CTSB: variants seen among roughly 807,000 people sequenced by gnomAD.
The protein encoded by CTSB is cathepsin B.
CTSB carries 57 observed loss-of-function variants against 44.3 expected under a neutral mutation model. The observed-to-expected ratio is 1.29, with a 90% CI of 1.04 to 1.60. The LOEUF is 1.60. Ranked by LOEUF, CTSB falls within the 40% of genes most tolerant of loss-of-function variation. The probability of loss-of-function intolerance (pLI) is 0.00; values close to 1 mark genes in which losing one functional copy is unlikely to be tolerated. For missense variants in CTSB, 768 were observed against 443.0 expected, an observed-to-expected ratio of 1.73 and a Z score of -6.59; for synonymous variants, 320 against 168.0, an observed-to-expected ratio of 1.91 and a Z score of -7.00.
chr8:11,859,095 G>A (rs984931113), intron 1 of CTSB, among the ~76,000 whole-genome samples: 3 of 152,176 alleles, frequency 2.0e-5, no homozygotes, highest in East Asian at 1.9e-4. Context: ...CTGAGTTCCA[G>A]TGCACCCCTC....
At chr8:11,852,758 C>G in intron 2 of CTSB, 63 bp from the exon 3 acceptor site, 2 of 1,483,950 alleles carry the variant, frequency 1.3e-6, no homozygotes, top group African/African-American at 1.4e-5. Flanking sequence ...GGCACGCTGC[C>G]CACACACGAA....
chr8:11,851,728 A>G (rs1470541077), intron 3 of CTSB, among the ~76,000 whole-genome samples: 3 of 151,350 alleles, frequency 2.0e-5, no homozygotes, highest in African/African-American at 4.9e-5. Context: ...GGGAAGTGGC[A>G]TCATCTCAGC....
At position 11,845,088 on chromosome 8, in the gene CTSB, C is replaced by G. The variant is rs1332054114; in HGVS notation, c.*37G>C. 1 of 1,373,564 alleles carries G rather than the reference C, an allele frequency of 7.3e-7. No homozygotes were observed. The allele number at this position is 1,373,564 out of a possible 1,614,324, so 85.1% of individuals were successfully genotyped here. ...GAATAAAATGCATTTCTACCCCGATCTCGCCCCCAGGACTGGCACGACAGG... is the reference window on the plus strand; with the variant it reads ...GAATAAAATGCATTTCTACCCCGATGTCGCCCCCAGGACTGGCACGACAGG... On this transcript the variant is annotated 3_prime_UTR_variant, in exon 10 of 10. Transcript: ENST00000353047.
chr8:11,843,040 C>T lies in CTSB; in HGVS notation c.*2085G>A, dbSNP rs1444474791. On this transcript the variant is annotated 3_prime_UTR_variant, in exon 10 of 10. Coordinates refer to ENST00000353047, the MANE Select transcript of CTSB (RefSeq NM_001908.5). ...CTTGGCTCACTGCAACCTCCGCCTC[C>T]CGGGTTCAAGCGATTCTCCTGCCTC... 3 of 151,060 alleles carry T rather than the reference C, an allele frequency of 2.0e-5. No individual in the cohort carries two copies. Among genetic ancestry groups the T allele is most frequent in the Non-Finnish European group, 2.9e-5 (2 of 68,022 alleles). The allele number at this position is 151,060 out of a possible 1,614,324, so 9.4% of individuals were successfully genotyped here.
rs1353045077 is a variant in CTSB at position 11,844,818 on chromosome 8, T to G, written c.*307A>C. On this transcript the variant is annotated 3_prime_UTR_variant, in exon 10 of 10. Coordinates refer to ENST00000353047, the MANE Select transcript of CTSB (RefSeq NM_001908.5). ...TTCCATTCCTGCGTCTCTGTCTTGC[T>G]CCCTGGAGATGGATGGATCACGGAG... 3.0e-6 allele frequency: 1 copy of G among 335,308 alleles called. No homozygotes were observed. The highest frequency in any genetic ancestry group is 2.1e-5 in the African/African-American group (1 of 48,720). 20.8% of individuals were successfully genotyped at this position (335,308 alleles called of 1,614,324 possible). A position where few individuals can be genotyped will look rare whatever the true frequency, so the allele number is the denominator to read the frequency against.
intron 4 of CTSB, chr8:11,849,465 T>G: frequency 4.9e-6 from 1 of 205,958 alleles, no homozygotes; most frequent in Non-Finnish European, 1.0e-5. Flanking sequence ...CTCAACGATT[T>G]GCCCAACTCA....
rs1812636578 is a variant in CTSB at position 11,843,482 on chromosome 8, A to T, written c.*1643T>A. ...ATTGCTGGTTCTTCTAGTTTGCTCT[A>T]TACCAAGAACTGCTATAACATGTTT... On this transcript the variant is annotated 3_prime_UTR_variant, in exon 10 of 10. Transcript: ENST00000353047. 2.0e-5 allele frequency: 3 copies of T among 152,254 alleles called. No individual in the cohort carries two copies. In the South Asian group the frequency reaches 6.2e-4, roughly 32 times the overall value. The allele number at this position is 152,254 out of a possible 1,614,324, so 9.4% of individuals were successfully genotyped here. A position where few individuals can be genotyped will look rare whatever the true frequency, so the allele number is the denominator to read the frequency against.
At chr8:11,847,894 C>G (rs879916730) in intron 6 of CTSB, 72 bp from the exon 7 acceptor site, 5 of 1,514,238 alleles carry the variant, frequency 3.3e-6, no homozygotes, top group Non-Finnish European at 3.6e-6. Flanking sequence ...AGGCAAGCCT[C>G]GTGCCTGCAG....
intron 2 of CTSB, 107 bp from the exon 3 acceptor site, chr8:11,852,802 A>G: frequency 1.0e-6 from 1 of 966,798 alleles, no homozygotes; most frequent in Non-Finnish European, 1.6e-6. Flanking sequence ...ACCCTACCCA[A>G]TTCAAGGGCC....
At position 11,842,936 on chromosome 8, in the gene CTSB, CTTTT is replaced by C. The variant is rs56927740; in HGVS notation, c.*2185_*2188del. On this transcript the variant is annotated 3_prime_UTR_variant, in exon 10 of 10. Coordinates refer to ENST00000353047, the MANE Select transcript of CTSB (RefSeq NM_001908.5). Reference sequence around the variant, plus strand: ...ACAGGCTTGAGCCACTGCGCCCGGCCTTTTTTTTTTTTTTTTTTTTTTTAATTAT... The same window carrying C: ...ACAGGCTTGAGCCACTGCGCCCGGCCTTTTTTTTTTTTTTTTTTTAATTAT... The C allele has an allele frequency of 6.6e-3, 597 of 90,798 alleles. 3 individuals are homozygous for C. The highest frequency in any genetic ancestry group is 0.021 in the African/African-American group (480 of 22,334). 5.6% of individuals were successfully genotyped at this position (90,798 alleles called of 1,614,324 possible).
chr8:11,864,242 G>C (rs756679430), intron 1 of CTSB: 1 of 147,926 alleles, frequency 6.8e-6, no homozygotes, highest in Admixed American at 6.9e-5. Flanking sequence ...GCCTAAGTGG[G>C]AGGAGGCAAG....
chr8:11,867,586 A>C (rs945598333), intron 1 of CTSB: 13 of 152,234 alleles, frequency 8.5e-5, no homozygotes, highest in Non-Finnish European at 1.5e-4. Flanking sequence ...TTATGTCGGC[A>C]GTTTGGCCCG....
At chr8:11,866,841 C>A (rs896656344) in intron 1 of CTSB, among the ~76,000 whole-genome samples, 6 of 152,230 alleles carry the variant, frequency 3.9e-5, no homozygotes, top group African/African-American at 1.2e-4. Flanking sequence ...GCCTGAGAGA[C>A]AGAGCCAGCC....
At chr8:11,846,855 AACACCTGGACAAAG>A (rs1438371823) in intron 8 of CTSB, among the ~76,000 whole-genome samples, 183 bp downstream of exon 8, 1 of 152,104 alleles carries the variant, frequency 6.6e-6, no homozygotes, top group Non-Finnish European at 1.5e-5. Context: ...GTGTTGGCAC[AACACCTGGACAAAG>A]ACAGTCAGGT....
chr8:11,854,446 G>A (rs1174952637), intron 1 of CTSB, among the ~76,000 whole-genome samples: 1 of 151,960 alleles, frequency 6.6e-6, no homozygotes, highest in Non-Finnish European at 1.5e-5. Flanking sequence ...AATTCATCTA[G>A]GAGAATAAAT....
At chr8:11,847,657 G>A (rs1413814256) in intron 7 of CTSB, 22 bp downstream of exon 7, 5 of 1,513,670 alleles carry the variant, frequency 3.3e-6, no homozygotes, top group Non-Finnish European at 4.4e-6. Context: ...CGTGCGCCGT[G>A]GCCAGGCCCC....
chr8:11,845,814 A>G (rs1471802801), intron 8 of CTSB, 25 bp from the exon 9 acceptor site: 4 of 1,597,750 alleles, frequency 2.5e-6, no homozygotes, highest in Non-Finnish European at 3.4e-6. Context: ...ACTGGCTGAG[A>G]CCGAGACCGG....
chr8:11,855,238 T>A (rs1168533683), intron 1 of CTSB, among the ~76,000 whole-genome samples: 1 of 152,104 alleles, frequency 6.6e-6, no homozygotes, highest in African/African-American at 2.4e-5. Context: ...GCCAGGCTGG[T>A]CTCGAACGCC....
At chr8:11,865,738 G>T (rs1385336498) in intron 1 of CTSB, among the ~76,000 whole-genome samples, 1 of 151,302 alleles carries the variant, frequency 6.6e-6, no homozygotes, top group East Asian at 2.0e-4. Context: ...TCCACCGCGC[G>T]GTGGCTCATG....
Sources: gnomAD v4.1 joint callset for allele counts (sites outside exome capture counted in the v4.1 genomes callset) on GRCh38, gnomAD v4.1.1 for gene constraint, MANE v1.5 for transcripts, NCBI Gene and HGNC (gene_info 2026-07-23, HGNC 2026-07-21) for gene names.